Variants in EPN3 observed in about 807,000 individuals in gnomAD.
EPN3 encodes the protein epsin-3.
Under a neutral mutation model 55.5 loss-of-function variants are expected in EPN3, and 56 were observed. The observed-to-expected ratio is 1.01, with a 90% CI of 0.81 to 1.26. The LOEUF is 1.26. Ranked by LOEUF, EPN3 falls within the 50% of genes most tolerant of loss-of-function variation. EPN3 has a pLI of 0.00. For missense variants in EPN3, 927 were observed against 853.4 expected (o/e 1.09, Z -1.07); for synonymous variants, 449 against 375.2 (o/e 1.20, Z -2.27).
At chr17:50,534,087 GCGCTTGGGCAGGCTTCTTC>G (rs2034722720) in intron 1 of EPN3, among the ~76,000 whole-genome samples, 1 of 25,686 alleles carries the variant, frequency 3.9e-5, no homozygotes, top group Non-Finnish European at 6.2e-5. Context: ...TCCCTTCTCT[GCGCTTGGGCAGGCTTCTTC>G]CTTTCCTCCT....
In EPN3 at chr17:50,532,773, CGG is replaced by C; in HGVS notation, c.-347_-346del. On this transcript the variant is annotated 5_prime_UTR_variant, in exon 1 of 10. Transcript: ENST00000268933. ...GCGCTGGCTAGGAGGCAAACGCACG[CGG>C]GAAGAGCTGCTACCCATTCCAGGGA... 4.1e-6 allele frequency: 3 copies of C among 726,912 alleles called. No individual in the cohort carries two copies. The highest frequency in any genetic ancestry group is 5.9e-6 in the Non-Finnish European group (3 of 508,120). 45.0% of individuals were successfully genotyped at this position (726,912 alleles called of 1,614,324 possible).
chr17:50,535,294 CTGACAA>C (rs769682479), intron 1 of EPN3, among the ~76,000 whole-genome samples: 59 of 152,338 alleles, frequency 3.9e-4, no homozygotes, highest in African/African-American at 1.2e-3. Flanking sequence ...CTGGGTAACA[CTGACAA>C]TAAGAATTGG....
rs769065106 is a variant in EPN3 at position 50,541,029 on chromosome 17, T to C, written c.1216T>C (p.Trp406Arg). 1.6e-5 allele frequency: 25 copies of C among 1,593,836 alleles called. No individual in the cohort carries two copies. The highest frequency in any genetic ancestry group is 1.7e-5 in the Non-Finnish European group (20 of 1,169,976). Residue 406 changes from tryptophan to arginine, a missense_variant, in exon 7 of 10, where the codon TGG becomes CGG. Trp to Arg is a moderately radical substitution (Grantham distance 101). Transcript: ENST00000268933. ...HKLPSTGADP[W>R]GASLETSDTP... is the part of the protein sequence containing the mutation. The stretch of plus-strand genomic sequence containing the variant: ...ACTCCCCAGCACTGGGGCTGACCCT[T>C]GGGGAGCCTCCCTGGAGACCTCCGA...
At chr17:50,538,992 G>C (rs1008142571) in intron 4 of EPN3, 28 bp downstream of exon 4, 63 of 1,574,718 alleles carry the variant, frequency 4.0e-5, no homozygotes, top group Non-Finnish European at 4.7e-5. Flanking sequence ...CTGGGCTGCC[G>C]GTGCTGCTGC....
Position 50,538,178 on chromosome 17 carries a change from G to A in EPN3, c.662G>A (p.Ser221Asn). The change falls in exon 3 of 10, where the codon AGC becomes AAC. Residue 221 changes from serine to asparagine, a missense_variant. Transcript: ENST00000268933. ...CAGCTGCAGCTGGCCCTCGCCATGA[G>A]CCGTGAGGAGGCAGAGAAGGTGAGG... ...ELQLQLALAM[S>N]REEAEKPVPP... is the part of the protein sequence containing the mutation. 1 of 1,611,912 alleles carries A rather than the reference G, an allele frequency of 6.2e-7. No homozygotes were observed. Among genetic ancestry groups the A allele is most frequent in the African/African-American group, 1.3e-5 (1 of 75,072 alleles).
rs1218069707 is a variant in EPN3, at chr17:50,532,761, G to GGCAAAC, written c.-357_-352dup. ...GAGTGCTGCCTGGCGCTGGCTAGGAGGCAAACGCACGCGGGAAGAGCTGCT... is the reference window on the plus strand; with the variant it reads ...GAGTGCTGCCTGGCGCTGGCTAGGAGGCAAACGCAAACGCACGCGGGAAGAGCTGCT... On this transcript the variant is annotated 5_prime_UTR_variant, in exon 1 of 10. Coordinates refer to ENST00000268933, the MANE Select transcript of EPN3 (RefSeq NM_017957.3). The GGCAAAC allele has an allele frequency of 3.2e-6, 2 of 625,098 alleles. No individual in the cohort carries two copies. Among genetic ancestry groups the GGCAAAC allele is most frequent in the African/African-American group, 4.0e-5 (2 of 49,696 alleles). 38.7% of individuals were successfully genotyped at this position (625,098 alleles called of 1,614,324 possible).
At position 50,536,767 on chromosome 17, in the gene EPN3, T is replaced by A. The variant is rs1379337195; in HGVS notation, c.211T>A (p.Trp71Arg). Residue 71 changes from tryptophan (W) to arginine (R), a missense_variant, in exon 2 of 10, where the codon TGG becomes AGG. Physicochemically the swap from Trp to Arg is moderately radical, Grantham distance 101 (BLOSUM62 -3). Transcript: ENST00000268933. ...WRRLNDSGKN[W>R]RHVYKALTLL... ...GCGGCTCAATGACAGCGGCAAGAAC[T>A]GGCGGCACGTGTACAAGGCTCTAAC... 12 of 1,614,010 alleles carry A rather than the reference T, an allele frequency of 7.4e-6. No individual in the cohort carries two copies. The highest frequency in any genetic ancestry group is 1.3e-5 in the African/African-American group (1 of 74,918).
At position 50,540,227 on chromosome 17, in the gene EPN3, G is replaced by A. The variant is rs1430408263; in HGVS notation, c.892-20G>A. ...AGGCCCCGCCCACTTCTGAGCCGCG[G>A]CTGCCTCTCCCCTCCACAGTCCTCC... On this transcript the variant is annotated intron_variant, in intron 5 of 9. Coordinates refer to ENST00000268933, the MANE Select transcript of EPN3 (RefSeq NM_017957.3). 6.2e-7 allele frequency: 1 copy of A among 1,607,994 alleles called. No individual in the cohort carries two copies. Among genetic ancestry groups the A allele is most frequent in the Non-Finnish European group, 8.5e-7 (1 of 1,177,860 alleles).
At chr17:50,537,313 T>C (rs9914894) in intron 2 of EPN3, 195 bp downstream of exon 2, 374,711 of 609,264 alleles carry the variant, frequency 0.62, 117,815 homozygotes, top group East Asian at 0.89. Context: ...ATAATAACGT[T>C]GTTATAGATT....
In EPN3 at chr17:50,542,061, G is replaced by T; in HGVS notation, c.1803G>T (p.Gln601His). 1 of 1,590,612 alleles carries T rather than the reference G, an allele frequency of 6.3e-7. No homozygotes were observed. The highest frequency in any genetic ancestry group is 2.3e-5 in the East Asian group (1 of 43,870). Residue 601 changes from glutamine to histidine, a missense_variant, in exon 10 of 10, where the codon CAG becomes CAT. Gln to His is a conservative substitution (Grantham distance 24, BLOSUM62 0). Coordinates refer to ENST00000268933, the MANE Select transcript of EPN3 (RefSeq NM_017957.3). ...TLPASVSVFP[Q>H]AGAFAPQPLL... is the part of the protein sequence containing the mutation. ...CCGCCTCGGTTAGCGTCTTCCCGCAGGCCGGAGCCTTCGCACCGCAGCCGC... is the reference window on the plus strand; with the variant it reads ...CCGCCTCGGTTAGCGTCTTCCCGCATGCCGGAGCCTTCGCACCGCAGCCGC...
chr17:50,540,651 C>G, intron 6 of EPN3, 142 bp from the exon 7 acceptor site: 1 of 1,167,616 alleles, frequency 8.6e-7, no homozygotes, highest in Non-Finnish European at 1.2e-6. Flanking sequence ...ATAGGGGCTC[C>G]AGCCTGCTGG....
rs756715704 is a variant in EPN3, at chr17:50,541,076, CAG to C, written c.1249+19_1249+20del. On this transcript the variant is annotated intron_variant, in intron 7 of 9. Transcript: ENST00000268933. ...CCGACACACCTGGTAAGAAGAGGGC[CAG>C]AGAGTGTGAGTGAGGAGCTGGGGGA... 7 of 1,572,150 alleles carry C rather than the reference CAG, an allele frequency of 4.5e-6. No individual in the cohort carries two copies. The South Asian group carries it at 8.2e-5, about 18-fold the overall frequency.
In EPN3 at chr17:50,542,386, T is replaced by G; in HGVS notation, c.*229T>G. ...CGTTCTCAGCTCTCACCAAGTGGACTTTTTGCGGGGTGTGGCGGCCGGGTC... is the reference window on the plus strand; with the variant it reads ...CGTTCTCAGCTCTCACCAAGTGGACGTTTTGCGGGGTGTGGCGGCCGGGTC... On this transcript the variant is annotated 3_prime_UTR_variant, in exon 10 of 10. Coordinates refer to ENST00000268933, the MANE Select transcript of EPN3 (RefSeq NM_017957.3). 2.1e-6 allele frequency: 1 copy of G among 469,594 alleles called. No individual in the cohort carries two copies. The highest frequency in any genetic ancestry group is 3.8e-5 in the South Asian group (1 of 26,464). The allele number at this position is 469,594 out of a possible 1,614,324, so 29.1% of individuals were successfully genotyped here. A position where few individuals can be genotyped will look rare whatever the true frequency, so the allele number is the denominator to read the frequency against.
chr17:50,537,089 G>A lies in EPN3; in HGVS notation c.533G>A (p.Arg178His), dbSNP rs765498266. Residue 178 changes from arginine (R) to histidine (H), a missense_variant, in exon 2 of 10, where the codon CGC becomes CAC. By Grantham distance (29) the Arg-to-His change is conservative. Transcript: ENST00000268933. Reference sequence around the variant, plus strand: ...CGCCGCTACGGCGAGGACTACAGCCGCTCCCGGGGCTCCCCGTCCTCCTAC... The same window carrying A: ...CGCCGCTACGGCGAGGACTACAGCCACTCCCGGGGCTCCCCGTCCTCCTAC... ...FSRRYGEDYS[R>H]SRGSPSSYNS... The A allele has an allele frequency of 1.0e-5, 16 of 1,607,554 alleles. No individual in the cohort carries two copies. The highest frequency in any genetic ancestry group is 8.9e-5 in the East Asian group (4 of 44,770).
chr17:50,533,142 C>T (rs2034699207), intron 1 of EPN3, among the ~76,000 whole-genome samples, 157 bp downstream of exon 1: 1 of 152,110 alleles, frequency 6.6e-6, no homozygotes, highest in African/African-American at 2.4e-5. Flanking sequence ...TGCCACCCCT[C>T]CCTCCCTGCC....
chr17:50,538,329 C>A, intron 3 of EPN3, 132 bp downstream of exon 3: 1 of 656,646 alleles, frequency 1.5e-6, no homozygotes, highest in Middle Eastern at 4.2e-4. Context: ...AGCACAAGAC[C>A]CATTATCTCT....
At chr17:50,535,298 C>T (rs570769820) in intron 1 of EPN3, among the ~76,000 whole-genome samples, 1 of 152,188 alleles carries the variant, frequency 6.6e-6, no homozygotes, top group East Asian at 1.9e-4. Flanking sequence ...GTAACACTGA[C>T]AATAAGAATT....
rs762619634 is a variant in EPN3 at position 50,541,961 on chromosome 17, C to G, written c.1703C>G (p.Ala568Gly). 3.4e-5 allele frequency: 55 copies of G among 1,595,476 alleles called. No individual in the cohort carries two copies. Among genetic ancestry groups the G allele is most frequent in the Non-Finnish European group, 4.5e-5 (53 of 1,177,226 alleles). ...GGCCTGGCAGGCGGGCCTGTGGGGG[C>G]GCCCCTGGGCTCCATGACCTACAGC... Reference protein sequence around the residue: ...ALGLAGGPVGAPLGSMTYSAS... With the variant: ...ALGLAGGPVGGPLGSMTYSAS... The change falls in exon 10 of 10, where the codon GCG (alanine) becomes GGG (glycine). Residue 568 changes from alanine to glycine, a missense_variant. Coordinates refer to ENST00000268933, the MANE Select transcript of EPN3 (RefSeq NM_017957.3).
Position 50,536,490 on chromosome 17 carries a change from G to A in EPN3, c.-67G>A, listed in dbSNP as rs751973400. ...GCCCATCCTTCAAGACTGTGACCTCGCCACAGTGGCCCTCAGCCCTCCACC... is the reference window on the plus strand; with the variant it reads ...GCCCATCCTTCAAGACTGTGACCTCACCACAGTGGCCCTCAGCCCTCCACC... On this transcript the variant is annotated 5_prime_UTR_variant, in exon 2 of 10. Coordinates refer to ENST00000268933, the MANE Select transcript of EPN3 (RefSeq NM_017957.3). The A allele has an allele frequency of 1.8e-5, 29 of 1,599,910 alleles. No homozygotes were observed. Among genetic ancestry groups the A allele is most frequent in the Admixed American group, 8.7e-5 (5 of 57,506 alleles).
Sources: gnomAD v4.1 joint callset for allele counts (sites outside exome capture counted in the v4.1 genomes callset) on GRCh38, gnomAD v4.1.1 for gene constraint, MANE v1.5 for transcripts, NCBI Gene and HGNC (gene_info 2026-07-23, HGNC 2026-07-21) for gene names.